Variants in MARK2 observed in about 807,000 individuals in gnomAD.
MARK2 encodes the protein serine/threonine-protein kinase MARK2.
MARK2 carries 16 observed loss-of-function variants against 89.8 expected under a neutral mutation model. The ratio of observed to expected loss-of-function variants is 0.18; its 90% CI spans 0.12 to 0.27. MARK2 has a LOEUF of 0.27. MARK2 is among the 10% of genes least tolerant of loss of function. MARK2 has a pLI of 1.00. For missense variants in MARK2, 621 were observed against 1,049.9 expected, an observed-to-expected ratio of 0.59 and a Z score of 5.65; for synonymous variants, 382 against 399.5, an observed-to-expected ratio of 0.96 and a Z score of 0.52.
chr11:63,886,316 G>T (rs1365103045), intron 1 of MARK2, among the ~76,000 whole-genome samples: 2 of 152,050 alleles, frequency 1.3e-5, no homozygotes, highest in Non-Finnish European at 1.5e-5. Context: ...GAGAGAGAGG[G>T]TCTCACTCTG....
At chr11:63,896,932 C>G (rs1368179789) in intron 3 of MARK2, among the ~76,000 whole-genome samples, 6 of 152,188 alleles carry the variant, frequency 3.9e-5, no homozygotes, top group Admixed American at 2.6e-4. Context: ...CCTAATTCTT[C>G]TTGGTTTTCT....
Position 63,908,241 on chromosome 11 carries a change from C to T in MARK2, c.1962-19C>T, listed in dbSNP as rs999747668. The T allele has an allele frequency of 6.4e-7, 1 of 1,554,670 alleles. No homozygotes were observed. The highest frequency in any genetic ancestry group is 8.7e-7 in the Non-Finnish European group (1 of 1,148,064). ...CGAGAGATCCCAGCACTAAACTCTCCCTCGCTCTGTTTTTTGAGGAACCTG... is the reference window on the plus strand; with the variant it reads ...CGAGAGATCCCAGCACTAAACTCTCTCTCGCTCTGTTTTTTGAGGAACCTG... On this transcript the variant is annotated intron_variant, in intron 17 of 18. Coordinates refer to ENST00000402010, the MANE Select transcript of MARK2 (RefSeq NM_001039469.3).
chr11:63,866,712 TG>T (rs1938154120), intron 1 of MARK2, among the ~76,000 whole-genome samples: 1 of 152,212 alleles, frequency 6.6e-6, no homozygotes, highest in South Asian at 2.1e-4. Flanking sequence ...TGTGTTTTTT[TG>T]TTTTTTGTTT....
At chr11:63,886,722 G>GC (rs1939423316) in intron 1 of MARK2, among the ~76,000 whole-genome samples, 1 of 152,166 alleles carries the variant, frequency 6.6e-6, no homozygotes, top group Non-Finnish European at 1.5e-5. Context: ...ACCATGCTTG[G>GC]CCCCCATGTG....
chr11:63,839,323 G>A lies in MARK2; in HGVS notation c.-184G>A. 1 of 430,988 alleles carries A rather than the reference G, an allele frequency of 2.3e-6. No homozygotes were observed. The highest frequency in any genetic ancestry group is 4.0e-6 in the Non-Finnish European group (1 of 248,610). The allele number at this position is 430,988 out of a possible 1,614,324, so 26.7% of individuals were successfully genotyped here. A position where few individuals can be genotyped will look rare whatever the true frequency, so the allele number is the denominator to read the frequency against. The stretch of plus-strand genomic sequence containing the variant: ...GTCCGGAGCCGCTCGGAGCCGGCGC[G>A]GCCTAGCCCGAGCGGCGCATCCCCG... On this transcript the variant is annotated 5_prime_UTR_variant, in exon 1 of 19. Transcript: ENST00000402010.
At position 63,846,662 on chromosome 11, in the gene MARK2, T is replaced by TC. The variant is rs2016295016; in HGVS notation, c.54+7102_54+7103insC. On this transcript the variant is annotated intron_variant, in intron 1 of 18. Transcript: ENST00000402010. Reference sequence around the variant, plus strand: ...ACCCCGCCTGGCCAAAAAAAATTTTTTTTTTTTTTTTGAGACGTTGTCTTG... The same window carrying TC: ...ACCCCGCCTGGCCAAAAAAAATTTTTCTTTTTTTTTTTGAGACGTTGTCTTG... Among the ~76,000 whole-genome samples the TC allele has an allele frequency of 2.1e-5, 3 of 145,586 alleles. No individual in the cohort carries two copies. In the Admixed American group the frequency reaches 2.1e-4, roughly 10 times the overall value.
intron 1 of MARK2, chr11:63,868,502 A>T (rs375632068): frequency 9.7e-6 from 3 of 309,844 alleles, no homozygotes. Context: ...ATGACTACAG[A>T]GAAGTGCTTT....
At chr11:63,895,658 C>CGTTTT in intron 3 of MARK2, 25 bp downstream of exon 3, 2 of 1,161,442 alleles carry the variant, frequency 1.7e-6, no homozygotes, top group Non-Finnish European at 2.4e-6. Context: ...CCTCCTGTCC[C>CGTTTT]TTTTTTTTTT....
intron 1 of MARK2, chr11:63,890,310 G>T: frequency 7.5e-7 from 1 of 1,336,296 alleles, no homozygotes; most frequent in South Asian, 1.2e-5. Context: ...GTAAGGGAAG[G>T]ATTGAGCACT....
At chr11:63,886,952 C>T (rs1019978305) in intron 1 of MARK2, among the ~76,000 whole-genome samples, 1 of 152,196 alleles carries the variant, frequency 6.6e-6, no homozygotes, top group African/African-American at 2.4e-5. Context: ...AGTGAAGGGC[C>T]GGAGGGCCCG....
rs965834317 is a variant in MARK2, at chr11:63,898,934, C to T, written c.474+101C>T. ...GTCTGTAAGTGGCCCTTGGAGGGTA[C>T]TTTGGGCTCTGCTTATCCGTGTGGC... On this transcript the variant is annotated intron_variant, in intron 6 of 18. Coordinates refer to ENST00000402010, the MANE Select transcript of MARK2 (RefSeq NM_001039469.3). 21 of 1,260,766 alleles carry T rather than the reference C, an allele frequency of 1.7e-5. No homozygotes were observed. The South Asian group carries it at 2.4e-4, about 14-fold the overall frequency. 78.1% of individuals were successfully genotyped at this position (1,260,766 alleles called of 1,614,324 possible).
intron 1 of MARK2, among the ~76,000 whole-genome samples, chr11:63,851,458 C>G (rs1167742419): frequency 6.6e-6 from 1 of 152,114 alleles, no homozygotes; most frequent in Non-Finnish European, 1.5e-5. Context: ...GGGGCTATTT[C>G]TTTCATTGTA....
Position 63,903,824 on chromosome 11 carries a change from G to T in MARK2, c.1515-162G>T, listed in dbSNP as rs559229586. On this transcript the variant is annotated intron_variant, in intron 14 of 18. Coordinates refer to ENST00000402010, the MANE Select transcript of MARK2 (RefSeq NM_001039469.3). The surrounding 1 kb of genome is among the most constrained non-coding windows in gnomAD (Gnocchi z 5.1). ...TCACTCACCTCCACTTCTCAGCCCC[G>T]CATTCCTCAGTTCTGACTTGCATCC... 6.6e-6 allele frequency among the ~76,000 whole-genome samples: 1 copy of T among 151,508 alleles called. No homozygotes were observed. Among genetic ancestry groups the T allele is most frequent in the East Asian group, 1.9e-4 (1 of 5,164 alleles).
rs1941596098 is a variant in MARK2, at chr11:63,909,276, T to C, written c.*39T>C. 1.3e-6 allele frequency: 2 copies of C among 1,522,332 alleles called. No individual in the cohort carries two copies. The highest frequency in any genetic ancestry group is 1.8e-6 in the Non-Finnish European group (2 of 1,131,070). The allele number at this position is 1,522,332 out of a possible 1,614,324, so 94.3% of individuals were successfully genotyped here. On this transcript the variant is annotated 3_prime_UTR_variant, in exon 19 of 19. Transcript: ENST00000402010. ...GCGGGGGCGGCGGGGGCGGGCCAGC[T>C]GGACGGGCTGCCGGCCGCTGCGCCG...
intron 1 of MARK2, among the ~76,000 whole-genome samples, chr11:63,854,938 AT>A (rs2016767445): frequency 6.6e-6 from 1 of 152,064 alleles, no homozygotes; most frequent in Non-Finnish European, 1.5e-5. Flanking sequence ...AGGGATCATA[AT>A]TTTTTCTTGA....
At chr11:63,898,529 G>A (rs1193431001) in intron 4 of MARK2, 79 bp from the exon 5 acceptor site, 11 of 1,151,092 alleles carry the variant, frequency 9.6e-6, no homozygotes, top group Non-Finnish European at 9.2e-6. Flanking sequence ...TTCGTTCCTA[G>A]GATGCTCCTG....
chr11:63,890,644 C>T (rs1939769754), intron 1 of MARK2, among the ~76,000 whole-genome samples: 1 of 152,242 alleles, frequency 6.6e-6, no homozygotes, highest in African/African-American at 2.4e-5. Context: ...AGGCCCGTAG[C>T]ATCTCTTGTC....
intron 1 of MARK2, among the ~76,000 whole-genome samples, chr11:63,881,491 C>T (rs966660985): frequency 1.3e-5 from 2 of 152,118 alleles, no homozygotes; most frequent in African/African-American, 4.8e-5. Flanking sequence ...GAGTGGGCAA[C>T]TTTAAAGATC....
chr11:63,839,278 C>A lies in MARK2; in HGVS notation c.-229C>A. ...CCGGCCGAAAGGCGGCACAGCCCAG[C>A]CGGGGGTCGGGGGGGTGCGGTCCGG... On this transcript the variant is annotated 5_prime_UTR_variant, in exon 1 of 19. Coordinates refer to ENST00000402010, the MANE Select transcript of MARK2 (RefSeq NM_001039469.3). 1 of 307,794 alleles carries A rather than the reference C, an allele frequency of 3.2e-6. No individual in the cohort carries two copies. The highest frequency in any genetic ancestry group is 5.9e-6 in the Non-Finnish European group (1 of 169,178). 19.1% of individuals were successfully genotyped at this position (307,794 alleles called of 1,614,324 possible).
Sources: allele counts gnomAD v4.1 joint callset (sites outside exome capture counted in the v4.1 genomes callset), GRCh38; gene constraint gnomAD v4.1.1; non-coding constraint Gnocchi (gnomAD v3.1); transcripts MANE v1.5; gene names NCBI Gene and HGNC (gene_info 2026-07-23, HGNC 2026-07-21).